The following ANK2 variants were observed in gnomAD, a reference collection of about 807,000 sequenced individuals.
ANK2 encodes ankyrin-2.
A neutral mutation model predicts 360.5 loss-of-function variants in ANK2; 83 were observed. The observed-to-expected ratio is 0.23, with a 90% confidence interval of 0.19 to 0.28. The LOEUF (loss-of-function observed/expected upper bound fraction) is 0.28. Among genes scored for constraint, ANK2 ranks in the 10% least tolerant of loss-of-function variants. The probability of loss-of-function intolerance (pLI) is 1.00; values close to 1 mark genes in which losing one functional copy is unlikely to be tolerated. For synonymous variants in ANK2, 1,740 were observed against 1,759.5 expected, an observed-to-expected ratio of 0.99 and a Z score of 0.28; for missense variants, 4,201 against 4,795.7, an observed-to-expected ratio of 0.88 and a Z score of 3.66.
intron 2 of ANK2, among the ~76,000 whole-genome samples, chr4:112,927,574 C>T (rs933251160): frequency 2.0e-5 from 3 of 152,138 alleles, no homozygotes; most frequent in African/African-American, 7.2e-5. Context: ...TATCACAACA[C>T]TAAAAAACAG....
At chr4:112,824,761 C>T (rs966259873) in intron 1 of ANK2, among the ~76,000 whole-genome samples, 1 of 152,142 alleles carries the variant, frequency 6.6e-6, no homozygotes, top group Non-Finnish European at 1.5e-5. Flanking sequence ...CTCGGCCTCT[C>T]AAAGTGCTGG....
At chr4:112,908,061 C>T (rs906859019) in intron 2 of ANK2, among the ~76,000 whole-genome samples, 2 of 151,964 alleles carry the variant, frequency 1.3e-5, no homozygotes, top group African/African-American at 4.8e-5. Context: ...CTGAAAACAT[C>T]CATAAAGATG....
At chr4:113,295,074 T>C (rs1352781928) in intron 22 of ANK2, among the ~76,000 whole-genome samples, 1 of 152,192 alleles carries the variant, frequency 6.6e-6, no homozygotes, top group Non-Finnish European at 1.5e-5. Context: ...GTATGTTTAT[T>C]TTACCAAGTT....
At chr4:112,760,180 T>A in the ANK2 span, among the ~76,000 whole-genome samples, 1 of 142,322 alleles carries the variant, frequency 7.0e-6, no homozygotes, top group Admixed American at 7.8e-5. Flanking sequence ...TTTTTCAAAT[T>A]CCATATTCTT....
intron 1 of ANK2, among the ~76,000 whole-genome samples, chr4:113,161,427 C>T (rs577232206): frequency 2.2e-4 from 33 of 152,242 alleles, no homozygotes; most frequent in African/African-American, 7.7e-4. Flanking sequence ...ACATTTTCAG[C>T]CAATGCTATC....
At position 113,373,309 on chromosome 4, in the gene ANK2, T is replaced by C. The variant is rs2154074518; in HGVS notation, c.11719T>C (p.Tyr3907His). The change falls in exon 45 of 46, where the codon TAT becomes CAT. Residue 3907 changes from tyrosine to histidine, a missense_variant. By Grantham distance (83) the Tyr-to-His change is moderately conservative. This residue lies in a region of ANK2 where 2,642 missense variants were observed against 2,714.5 expected (regional missense o/e 0.97). Coordinates refer to ENST00000357077, the MANE Select transcript of ANK2 (RefSeq NM_001148.6). ...KKVTRKIIRR[Y>H]VSSEGTEKEE... is the part of the protein sequence containing the mutation. The stretch of plus-strand genomic sequence containing the variant: ...GGTTACTAGGAAAATCATTAGGCGG[T>C]ATGTATCCTCTGAAGGCACAGAGAA... The C allele has an allele frequency of 1.2e-6, 2 of 1,614,072 alleles. No homozygotes were observed. The highest frequency in any genetic ancestry group is 1.7e-6 in the Non-Finnish European group (2 of 1,180,002).
Position 113,355,037 on chromosome 4 carries a change from T to C in ANK2, c.6419T>C (p.Ile2140Thr), listed in dbSNP as rs1322169389. 1 of 1,613,888 alleles carries C rather than the reference T, an allele frequency of 6.2e-7. No homozygotes were observed. The highest frequency in any genetic ancestry group is 8.5e-7 in the Non-Finnish European group (1 of 1,179,974). ...ACCTCCACTGACTTCTCTGAGGTCA[T>C]TAAGCAAGAGTTGGAAGACAATGAC... ...RKTSTDFSEV[I>T]KQELEDNDKY... Residue 2140 changes from isoleucine (I) to threonine (T), a missense_variant, in exon 38 of 46, where the codon ATT becomes ACT. Transcript: ENST00000357077.
chr4:113,219,580 A>T (rs1195893003), intron 4 of ANK2, among the ~76,000 whole-genome samples: 2 of 152,140 alleles, frequency 1.3e-5, no homozygotes, highest in African/African-American at 4.8e-5. Context: ...AAGTATTTTT[A>T]AAATCTCATC....
chr4:113,072,742 A>ATTTTTTTTTTTTT lies in ANK2; in HGVS notation c.84+22941_84+22953dup, dbSNP rs34098456. Among the ~76,000 whole-genome samples, 43 of 74,214 alleles carry ATTTTTTTTTTTTT rather than the reference A, an allele frequency of 5.8e-4. 2 individuals carry two copies. The East Asian group carries it at 9.5e-3, about 16-fold the overall frequency. The allele number at this position is 74,214 out of a possible 152,430, so 48.7% of individuals were successfully genotyped here. On this transcript the variant is annotated intron_variant, in intron 1 of 45. Transcript: ENST00000357077. The stretch of plus-strand genomic sequence containing the variant: ...TCCCTTAAAATAGACACTTGGCATA[A>ATTTTTTTTTTTTT]TTTTTTTTTTTTTTTTTTTTTTTGC...
rs537466524 is a variant in ANK2, at chr4:113,383,717, A to G, written c.*2246A>G. The G allele has an allele frequency of 2.0e-5, 3 of 152,796 alleles. No homozygotes were observed. In the East Asian group the frequency reaches 5.8e-4, roughly 29 times the overall value. 9.5% of individuals were successfully genotyped at this position (152,796 alleles called of 1,614,324 possible). A position where few individuals can be genotyped will look rare whatever the true frequency, so the allele number is the denominator to read the frequency against. ...ACAATGGCTGATTTAATTAAATAAA[A>G]TGTACAAGTGTTAAATGTGGCAACG... On this transcript the variant is annotated 3_prime_UTR_variant, in exon 46 of 46. Coordinates refer to ENST00000357077, the MANE Select transcript of ANK2 (RefSeq NM_001148.6).
chr4:113,077,379 T>C (rs2080512932), intron 1 of ANK2, among the ~76,000 whole-genome samples: 1 of 152,182 alleles, frequency 6.6e-6, no homozygotes, highest in South Asian at 2.1e-4. Context: ...TTTTTCTTTC[T>C]AACTTTCTGT....
chr4:112,899,385 TGTTA>T (rs962462598), intron 1 of ANK2, among the ~76,000 whole-genome samples: 7 of 152,186 alleles, frequency 4.6e-5, no homozygotes, highest in Non-Finnish European at 1.0e-4. Context: ...TTTCTCATTT[TGTTA>T]GTTGTTATTT....
intron 2 of ANK2, among the ~76,000 whole-genome samples, chr4:113,021,517 T>TATACAC (rs2058066061): frequency 3.8e-5 from 2 of 52,936 alleles, no homozygotes; most frequent in African/African-American, 1.3e-4. Context: ...TGTGTATATA[T>TATACAC]ACACACACAC....
chr4:113,381,053 GTTT>G (rs1189443762), intron 45 of ANK2, among the ~76,000 whole-genome samples: 2 of 152,118 alleles, frequency 1.3e-5, no homozygotes, highest in African/African-American at 2.4e-5. Flanking sequence ...TTAAAAAAAG[GTTT>G]TTTTAGCCTG....
the ANK2 span, among the ~76,000 whole-genome samples, chr4:112,743,498 A>ATTCC: frequency 0.03 from 4,088 of 134,596 alleles, 179 homozygotes; most frequent in African/African-American, 0.097. Flanking sequence ...TCTCTCCTTC[A>ATTCC]TTCCTTCCTT....
chr4:113,060,484 C>T (rs190951993), intron 1 of ANK2, among the ~76,000 whole-genome samples: 70 of 152,106 alleles, frequency 4.6e-4, no homozygotes, highest in African/African-American at 1.6e-3. Flanking sequence ...ATCTACATAG[C>T]TCCTAAACGA....
At chr4:113,272,316 G>T (rs2058823430) in intron 14 of ANK2, among the ~76,000 whole-genome samples, 1 of 152,182 alleles carries the variant, frequency 6.6e-6, no homozygotes, top group Non-Finnish European at 1.5e-5. Context: ...GGGAATTGTT[G>T]CCTCTCATTT....
At chr4:112,892,557 A>C (rs1197970775) in intron 1 of ANK2, among the ~76,000 whole-genome samples, 1 of 152,222 alleles carries the variant, frequency 6.6e-6, no homozygotes, top group Admixed American at 6.5e-5. Context: ...TTTTGAAGTA[A>C]AGTGTTTGAA....
intron 22 of ANK2, among the ~76,000 whole-genome samples, chr4:113,300,548 A>C (rs1178016816): frequency 6.6e-6 from 1 of 152,206 alleles, no homozygotes; most frequent in African/African-American, 2.4e-5. Context: ...TGCGTAGTGT[A>C]TGACACAGCA....
Sources: gnomAD v4.1 joint callset for allele counts (sites outside exome capture counted in the v4.1 genomes callset) on GRCh38, gnomAD v4.1.1 for gene constraint, gnomAD v4.1.1 regional missense constraint, MANE v1.5 for transcripts, NCBI Gene and HGNC (gene_info 2026-07-23, HGNC 2026-07-21) for gene names.